The following ZNF491 variants were observed in gnomAD, a reference collection of about 807,000 sequenced individuals.
The protein encoded by ZNF491 is zinc finger protein 491.
ZNF491 carries 22 observed loss-of-function variants against 34.7 expected under a neutral mutation model. The ratio of observed to expected loss-of-function variants is 0.63; its 90% CI spans 0.45 to 0.90. The LOEUF (loss-of-function observed/expected upper bound fraction) is 0.90, where lower values mean the gene tolerates loss of function less well. Among genes scored for constraint, ZNF491 ranks in the 40% least tolerant of loss-of-function variants. The probability of loss-of-function intolerance (pLI) is 0.00; values close to 1 mark genes in which losing one functional copy is unlikely to be tolerated. For missense variants in ZNF491, 559 were observed against 531.7 expected, an observed-to-expected ratio of 1.05 and a Z score of -0.51; for synonymous variants, 148 against 174.3, an observed-to-expected ratio of 0.85 and a Z score of 1.19.
chr19:11,806,345 A>G lies in ZNF491; in HGVS notation c.392A>G (p.Tyr131Cys). Residue 131 changes from tyrosine (Y) to cysteine (C), a missense_variant, in exon 3 of 3, where the codon TAT becomes TGT. Tyr to Cys is a radical substitution (Grantham distance 194). Transcript: ENST00000323169. ...YMVTHSGDGP[Y>C]KCKFCGKALD... ...GTAACGCACAGTGGAGATGGACCTTATAAATGTAAGTTTTGTGGGAAAGCC... is the reference window on the plus strand; with the variant it reads ...GTAACGCACAGTGGAGATGGACCTTGTAAATGTAAGTTTTGTGGGAAAGCC... 1.2e-6 allele frequency: 2 copies of G among 1,612,750 alleles called. No individual in the cohort carries two copies. The highest frequency in any genetic ancestry group is 1.7e-4 in the Middle Eastern group (1 of 6,054).
At chr19:11,804,215 A>G (rs964492858) in intron 1 of ZNF491, among the ~76,000 whole-genome samples, 126 of 151,500 alleles carry the variant, frequency 8.3e-4, no homozygotes, top group Admixed American at 2.1e-3. Context: ...ACAAAAAAAA[A>G]AAAAAAAAAA....
Position 11,806,706 on chromosome 19 carries a change from A to G in ZNF491, c.753A>G (p.Ala251=). The G allele has an allele frequency of 6.2e-7, 1 of 1,613,542 alleles. No homozygotes were observed. Among genetic ancestry groups the G allele is most frequent in the South Asian group, 1.1e-5 (1 of 91,010 alleles). The change falls in exon 3 of 3, where the codon GCA becomes GCG. Residue 251 remains alanine, a synonymous_variant. Coordinates refer to ENST00000323169, the MANE Select transcript of ZNF491 (RefSeq NM_152356.4). ...KPYECKLYGK[A]LSRLISFRRH... ...ATGAATGTAAACTATATGGGAAAGC[A>G]TTATCTCGCCTTATAAGCTTTCGAA...
intron 2 of ZNF491, among the ~76,000 whole-genome samples, chr19:11,804,901 C>T (rs764492776): frequency 2.0e-5 from 3 of 152,116 alleles, no homozygotes; most frequent in Non-Finnish European, 2.9e-5. Context: ...TCAATACAAA[C>T]ATCCCAGGAG....
In ZNF491 at chr19:11,806,014, G is replaced by T; in HGVS notation, c.61G>T (p.Val21Phe). 4 of 1,612,718 alleles carry T rather than the reference G, an allele frequency of 2.5e-6. No individual in the cohort carries two copies. Among genetic ancestry groups the T allele is most frequent in the Non-Finnish European group, 3.4e-6 (4 of 1,179,418 alleles). ...TCAGTGTGGAGAAACTTTCACCCAG[G>T]TTCCGGAAGACATGCTGAACAAGAA... Reference protein sequence around the residue: ...GSQCGETFTQVPEDMLNKKTL... With the variant: ...GSQCGETFTQFPEDMLNKKTL... Residue 21 changes from valine to phenylalanine, a missense_variant, in exon 3 of 3, where the codon GTT (valine) becomes TTT (phenylalanine). By Grantham distance (50) the Val-to-Phe change is conservative (BLOSUM62 -1). Coordinates refer to ENST00000323169, the MANE Select transcript of ZNF491 (RefSeq NM_152356.4).
At position 11,806,928 on chromosome 19, in the gene ZNF491, A is replaced by G; in HGVS notation, c.975A>G (p.Lys325=). ...ATGAAAGGACTCACACTGGAGAGAA[A>G]CCCGATGGGTGTAAGCAATGTGGGA... is the stretch of plus-strand genomic sequence containing the variant. ...QYHERTHTGE[K]PDGCKQCGKA... is the part of the protein sequence containing the mutation. The change falls in exon 3 of 3, where the codon AAA becomes AAG. Residue 325 remains lysine, a synonymous_variant. Transcript: ENST00000323169. 6.2e-7 allele frequency: 1 copy of G among 1,613,096 alleles called. No individual in the cohort carries two copies. The highest frequency in any genetic ancestry group is 8.5e-7 in the Non-Finnish European group (1 of 1,179,676).
At chr19:11,801,933 CA>C (rs1400934213) in intron 1 of ZNF491, among the ~76,000 whole-genome samples, 1 of 152,134 alleles carries the variant, frequency 6.6e-6, no homozygotes, top group Non-Finnish European at 1.5e-5. Context: ...CATTGATTGG[CA>C]TTTAGGTTGA....
At chr19:11,805,771 C>T (rs913602520) in intron 2 of ZNF491, among the ~76,000 whole-genome samples, 176 bp from the exon 3 acceptor site, 1 of 152,172 alleles carries the variant, frequency 6.6e-6, no homozygotes, top group Non-Finnish European at 1.5e-5. Flanking sequence ...CACTTGAGCC[C>T]AGGCGGTGAA....
rs1386322639 is a variant in ZNF491 at position 11,807,289 on chromosome 19, T to C, written c.*22T>C. 1 of 1,479,666 alleles carries C rather than the reference T, an allele frequency of 6.8e-7. No homozygotes were observed. The highest frequency in any genetic ancestry group is 1.4e-5 in the African/African-American group (1 of 70,268). 91.7% of individuals were successfully genotyped at this position (1,479,666 alleles called of 1,614,324 possible). ...ATGAGAGAAATGCTATTTTTTAATT[T>C]TTATTTTAATAGAGACAGGGTCTCA... On this transcript the variant is annotated 3_prime_UTR_variant, in exon 3 of 3. Coordinates refer to ENST00000323169, the MANE Select transcript of ZNF491 (RefSeq NM_152356.4).
At chr19:11,801,155 TAG>T (rs1975555275) in intron 1 of ZNF491, among the ~76,000 whole-genome samples, 1 of 151,946 alleles carries the variant, frequency 6.6e-6, no homozygotes, top group African/African-American at 2.4e-5. Context: ...CTCAGCAACA[TAG>T]AGAGACCCCG....
Position 11,806,925 on chromosome 19 carries a change from G to T in ZNF491, c.972G>T (p.Glu324Asp), listed in dbSNP as rs1244312983. The change falls in exon 3 of 3, where the codon GAG (glutamate) becomes GAT (aspartate). Residue 324 changes from glutamate to aspartate, a missense_variant. Physicochemically the swap from Glu to Asp is conservative, Grantham distance 45. Coordinates refer to ENST00000323169, the MANE Select transcript of ZNF491 (RefSeq NM_152356.4). ...ATCATGAAAGGACTCACACTGGAGA[G>T]AAACCCGATGGGTGTAAGCAATGTG... ...FQYHERTHTG[E>D]KPDGCKQCGK... 1 of 1,613,052 alleles carries T rather than the reference G, an allele frequency of 6.2e-7. No individual in the cohort carries two copies. The highest frequency in any genetic ancestry group is 1.7e-5 in the Admixed American group (1 of 59,754).
Position 11,806,969 on chromosome 19 carries a change from C to G in ZNF491, c.1016C>G (p.Ala339Gly). 1 of 1,613,236 alleles carries G rather than the reference C, an allele frequency of 6.2e-7. No homozygotes were observed. The change falls in exon 3 of 3, where the codon GCC (alanine) becomes GGC (glycine). Residue 339 changes from alanine to glycine, a missense_variant. By Grantham distance (60) the Ala-to-Gly change is moderately conservative (BLOSUM62 0). Coordinates refer to ENST00000323169, the MANE Select transcript of ZNF491 (RefSeq NM_152356.4). ...CKQCGKAFRSAKYIRIHGRTH... is the reference protein window; with the variant it reads ...CKQCGKAFRSGKYIRIHGRTH... ...CAATGTGGGAAAGCCTTCAGATCTG[C>G]CAAGTACATTCGAATACATGGAAGG...
intron 1 of ZNF491, among the ~76,000 whole-genome samples, chr19:11,804,074 G>A (rs1374608959): frequency 6.6e-5 from 10 of 151,956 alleles, no homozygotes; most frequent in African/African-American, 1.5e-4. Context: ...ATGGTGGTGC[G>A]TGCCTGTAAT....
At position 11,806,043 on chromosome 19, in the gene ZNF491, T is replaced by C. The variant is rs1243791110; in HGVS notation, c.90T>C (p.Thr30=). The change falls in exon 3 of 3, where the codon ACT becomes ACC. Residue 30 remains threonine, a synonymous_variant. Transcript: ENST00000323169. ...QVPEDMLNKK[T]LPGVKSCESG... ...CGGAAGACATGCTGAACAAGAAAAC[T>C]CTTCCTGGAGTAAAATCATGTGAAA... 6.2e-7 allele frequency: 1 copy of C among 1,613,780 alleles called. No homozygotes were observed. Among genetic ancestry groups the C allele is most frequent in the Non-Finnish European group, 8.5e-7 (1 of 1,180,006 alleles).
intron 1 of ZNF491, among the ~76,000 whole-genome samples, chr19:11,803,888 T>G (rs960398861): frequency 6.6e-6 from 1 of 152,100 alleles, no homozygotes; most frequent in Non-Finnish European, 1.5e-5. Flanking sequence ...TTCAGCTCCA[T>G]AGTTCTGGAG....
At position 11,806,045 on chromosome 19, in the gene ZNF491, T is replaced by C. The variant is rs546146723; in HGVS notation, c.92T>C (p.Leu31Pro). 6.9e-5 allele frequency: 112 copies of C among 1,613,902 alleles called. No homozygotes were observed. The East Asian group carries it at 1.5e-3, about 22-fold the overall frequency. ...VPEDMLNKKTLPGVKSCESGT... is the reference protein window; with the variant it reads ...VPEDMLNKKTPPGVKSCESGT... ...GAAGACATGCTGAACAAGAAAACTC[T>C]TCCTGGAGTAAAATCATGTGAAAGT... Residue 31 changes from leucine (L) to proline (P), a missense_variant, in exon 3 of 3, where the codon CTT becomes CCT. Physicochemically the swap from Leu to Pro is moderately conservative, Grantham distance 98. Coordinates refer to ENST00000323169, the MANE Select transcript of ZNF491 (RefSeq NM_152356.4).
chr19:11,807,301 G>A lies in ZNF491; in HGVS notation c.*34G>A. 6.9e-7 allele frequency: 1 copy of A among 1,453,540 alleles called. No homozygotes were observed. The highest frequency in any genetic ancestry group is 9.1e-7 in the Non-Finnish European group (1 of 1,093,508). The allele number at this position is 1,453,540 out of a possible 1,614,324, so 90.0% of individuals were successfully genotyped here. ...CTATTTTTTAATTTTTATTTTAATA[G>A]AGACAGGGTCTCACTATCTTGTCCA... is the stretch of plus-strand genomic sequence containing the variant. On this transcript the variant is annotated 3_prime_UTR_variant, in exon 3 of 3. Coordinates refer to ENST00000323169, the MANE Select transcript of ZNF491 (RefSeq NM_152356.4).
chr19:11,800,831 T>C (rs117530208), intron 1 of ZNF491, among the ~76,000 whole-genome samples: 1 of 148,220 alleles, frequency 6.7e-6, no homozygotes, highest in East Asian at 2.0e-4. Context: ...AAGACCAGAG[T>C]GGGCAGGGCA....
Position 11,806,692 on chromosome 19 carries a change from C to A in ZNF491, c.739C>A (p.Leu247Ile). 6.2e-7 allele frequency: 1 copy of A among 1,613,528 alleles called. No homozygotes were observed. Among genetic ancestry groups the A allele is most frequent in the Non-Finnish European group, 8.5e-7 (1 of 1,179,794 alleles). ...AGGAGAAAAACCCTATGAATGTAAA[C>A]TATATGGGAAAGCATTATCTCGCCT... Reference protein sequence around the residue: ...HTGEKPYECKLYGKALSRLIS... With the variant: ...HTGEKPYECKIYGKALSRLIS... Residue 247 changes from leucine to isoleucine, a missense_variant, in exon 3 of 3, where the codon CTA (leucine) becomes ATA (isoleucine). Leu to Ile is a conservative substitution (Grantham distance 5). Coordinates refer to ENST00000323169, the MANE Select transcript of ZNF491 (RefSeq NM_152356.4).
intron 1 of ZNF491, among the ~76,000 whole-genome samples, chr19:11,804,230 A>G (rs1469740029): frequency 6.8e-6 from 1 of 146,702 alleles, no homozygotes; most frequent in Non-Finnish European, 1.5e-5. Flanking sequence ...AAAAAAAAAA[A>G]GATCAAGGCA....
Sources: gnomAD v4.1 joint callset for allele counts (sites outside exome capture counted in the v4.1 genomes callset) on GRCh38, gnomAD v4.1.1 for gene constraint, MANE v1.5 for transcripts, NCBI Gene and HGNC (gene_info 2026-07-23, HGNC 2026-07-21) for gene names.